Variants in NBPF26 observed in about 807,000 individuals in gnomAD.
NBPF26 encodes NBPF family member NBPF26.
NBPF26 carries 79 observed loss-of-function variants against 119.6 expected under a neutral mutation model. That is an observed-to-expected ratio of 0.66 (90% CI 0.55 to 0.80). The LOEUF (loss-of-function observed/expected upper bound fraction) is 0.80. NBPF26 is among the 30% of genes least tolerant of loss of function. The pLI is 0.00. For missense variants in NBPF26, 800 were observed against 1,198.2 expected (o/e 0.67, Z 4.91); for synonymous variants, 299 against 457.7 (o/e 0.65, Z 4.43).
rs1216415903 is a variant in NBPF26 at position 120,788,503 on chromosome 1, C to T, written c.415+3270C>T. On this transcript the variant is annotated intron_variant, in intron 3 of 29. Transcript: ENST00000620612. ...AGTGGTACCACTTCCATTTCCACCC[C>T]GTGATTCCTGGACCTGTGAATCCTG... 2.4e-4 allele frequency among the ~76,000 whole-genome samples: 10 copies of T among 41,794 alleles called. 4 individuals carry two copies. The highest frequency in any genetic ancestry group is 9.4e-4 in the Admixed American group (4 of 4,260). The allele number at this position is 41,794 out of a possible 152,430, so 27.4% of individuals were successfully genotyped here.
chr1:120,743,680 T>C (rs1381037881), intron 1 of NBPF26, among the ~76,000 whole-genome samples: 2 of 97,072 alleles, frequency 2.1e-5, no homozygotes, highest in Middle Eastern at 4.4e-3. Context: ...GCAAAGTTGC[T>C]GCATGCAGAT....
At chr1:120,790,010 C>CTTTTT (rs1174501165) in intron 3 of NBPF26, among the ~76,000 whole-genome samples, 5 of 34,960 alleles carry the variant, frequency 1.4e-4, no homozygotes, top group Non-Finnish European at 2.0e-4. Flanking sequence ...TTCTGATCAC[C>CTTTTT]TTTTTTTTTT....
At position 120,811,522 on chromosome 1, in the gene NBPF26, G is replaced by A. The variant is rs1175737342; in HGVS notation, c.1565-364G>A. On this transcript the variant is annotated intron_variant, in intron 9 of 29. Coordinates refer to ENST00000620612, the Ensembl canonical transcript of NBPF26. ...ATTGTGCCTCTGCACTGCAGCCTGC[G>A]CGACAGAGTGAGACTCCGTCTCAAA... is the stretch of plus-strand genomic sequence containing the variant. Among the ~76,000 whole-genome samples, 176 of 112,998 alleles carry A rather than the reference G, an allele frequency of 1.6e-3. 40 individuals carry two copies. In the South Asian group the frequency reaches 0.032, roughly 21 times the overall value. 74.1% of individuals were successfully genotyped at this position (112,998 alleles called of 152,430 possible). A position where few individuals can be genotyped will look rare whatever the true frequency, so the allele number is the denominator to read the frequency against.
chr1:120,781,955 C>G (rs1314620162), intron 2 of NBPF26, among the ~76,000 whole-genome samples: 2 of 104,784 alleles, frequency 1.9e-5, no homozygotes, highest in African/African-American at 1.2e-4. Flanking sequence ...GAGACAATAG[C>G]TATCAAATGC....
rs1651963055 is a variant in NBPF26 at position 120,814,592 on chromosome 1, G to A, written c.1878-237G>A. Among the ~76,000 whole-genome samples the A allele has an allele frequency of 2.4e-5, 3 of 122,716 alleles. No individual in the cohort carries two copies. The South Asian group carries it at 7.5e-4, about 31-fold the overall frequency. 80.5% of individuals were successfully genotyped at this position (122,716 alleles called of 152,430 possible). On this transcript the variant is annotated intron_variant, in intron 11 of 29. Transcript: ENST00000620612. ...AGGAAGACACCTACTTTTGTTTACA[G>A]AAGAGAAAGATGAATGGAACATCAT...
In NBPF26 at chr1:120,829,816, G is replaced by C. The variant is rs1472392092; in HGVS notation, c.2864+1G>C. 1 of 816,594 alleles carries C rather than the reference G, an allele frequency of 1.2e-6. No individual in the cohort carries two copies. The highest frequency in any genetic ancestry group is 1.9e-6 in the Non-Finnish European group (1 of 524,094). The allele number at this position is 816,594 out of a possible 1,614,324, so 50.6% of individuals were successfully genotyped here. A position where few individuals can be genotyped will look rare whatever the true frequency, so the allele number is the denominator to read the frequency against. ...AAGACCAAGACCCATCATGCCCCAG[G>C]TAACTTTGAGCAATTATGGATGCTT... is the stretch of plus-strand genomic sequence containing the variant. On this transcript the variant is annotated splice_donor_variant, in intron 19 of 29. Coordinates refer to ENST00000620612, the Ensembl canonical transcript of NBPF26. LOFTEE classifies it high-confidence loss of function.
rs1571024245 is a variant in NBPF26, at chr1:120,763,715, T to C, written c.155+6T>C. On this transcript the variant is annotated splice_donor_region_variant and intron_variant, in intron 2 of 29. Coordinates refer to ENST00000620612, the Ensembl canonical transcript of NBPF26. ...AGTGGCACAGGATACTGCAAGTAAG[T>C]TTTTCTCTTCATATATTTTCTTTTT... The C allele has an allele frequency of 1.0e-5, 13 of 1,258,346 alleles. 2 individuals are homozygous for C. In the East Asian group the frequency reaches 3.1e-4, roughly 30 times the overall value. The allele number at this position is 1,258,346 out of a possible 1,614,324, so 77.9% of individuals were successfully genotyped here.
rs1553271141 is a variant in NBPF26, at chr1:120,812,288, G to T, written c.1774+193G>T. ...AAGTATTTAGCAACTTTCCATGTTT[G>T]CAATCAGGTGGGGGTGGGACTAGAG... On this transcript the variant is annotated intron_variant, in intron 10 of 29. Coordinates refer to ENST00000620612, the Ensembl canonical transcript of NBPF26. Among the ~76,000 whole-genome samples, 85 of 93,818 alleles carry T rather than the reference G, an allele frequency of 9.1e-4. 5 individuals carry two copies. In the South Asian group the frequency reaches 0.024, roughly 27 times the overall value. 61.5% of individuals were successfully genotyped at this position (93,818 alleles called of 152,430 possible).
chr1:120,793,162 T>A, exon 4 of NBPF26: 1 of 1,404,574 alleles, frequency 7.1e-7, no homozygotes, highest in Non-Finnish European at 9.5e-7. Context: ...TTCCTTTAGG[T>A]AAGGAGTGCC....
intron 9 of NBPF26, among the ~76,000 whole-genome samples, chr1:120,811,092 A>T: frequency 9.5e-6 from 1 of 105,056 alleles, no homozygotes; most frequent in Non-Finnish European, 1.8e-5. Context: ...TACAAAAAAA[A>T]AAAAAATTAG....
chr1:120,802,786 C>A (rs1182738278), intron 4 of NBPF26, among the ~76,000 whole-genome samples: 1 of 116,140 alleles, frequency 8.6e-6, no homozygotes, highest in East Asian at 2.1e-4. Flanking sequence ...CAGTTGTGTT[C>A]ACTAGATCAG....
At chr1:120,811,864 T>A in intron 9 of NBPF26, 22 bp from the exon 10 acceptor site, 1 of 768,380 alleles carries the variant, frequency 1.3e-6, no homozygotes, top group Non-Finnish European at 2.1e-6. Flanking sequence ...ACCCATCATG[T>A]GTTTGCCTTT....
rs1433003564 is a variant in NBPF26 at position 120,810,848 on chromosome 1, G to A, written c.1564+290G>A. On this transcript the variant is annotated intron_variant, in intron 9 of 29. Transcript: ENST00000620612. ...GCATGCCTATAGTCCCAACTGCTCA[G>A]GAGACTTAGGTGGGAGGATGGGCTG... Among the ~76,000 whole-genome samples the A allele has an allele frequency of 4.6e-5, 5 of 109,810 alleles. 2 individuals are homozygous for A. Among genetic ancestry groups the A allele is most frequent in the Admixed American group, 3.4e-4 (4 of 11,648 alleles). The allele number at this position is 109,810 out of a possible 152,430, so 72.0% of individuals were successfully genotyped here. A position where few individuals can be genotyped will look rare whatever the true frequency, so the allele number is the denominator to read the frequency against.
chr1:120,825,142 G>A (rs2101540353), intron 18 of NBPF26, among the ~76,000 whole-genome samples: 1 of 121,786 alleles, frequency 8.2e-6, no homozygotes, highest in South Asian at 2.3e-4. Context: ...AAGGCTGTAT[G>A]GCAACTGCAT....
At chr1:120,767,921 G>T (rs1190785465) in intron 2 of NBPF26, among the ~76,000 whole-genome samples, 2 of 117,664 alleles carry the variant, frequency 1.7e-5, no homozygotes, top group Non-Finnish European at 3.3e-5. Flanking sequence ...CTTAACAACT[G>T]GGTTGTCTAT....
intron 27 of NBPF26, among the ~76,000 whole-genome samples, 158 bp from the exon 34 acceptor site, chr1:120,838,587 G>C: frequency 2.0e-5 from 1 of 51,154 alleles, no homozygotes; most frequent in African/African-American, 9.6e-5. Context: ...ATTTGGCCCT[G>C]TTCTGTCCCA....
rs1327407489 is a variant in NBPF26 at position 120,822,060 on chromosome 1, G to A, written c.2424-44G>A. The A allele has an allele frequency of 1.5e-4, 213 of 1,446,450 alleles. 3 individuals are homozygous for A. In the African/African-American group the frequency reaches 4.1e-3, roughly 28 times the overall value. The allele number at this position is 1,446,450 out of a possible 1,614,324, so 89.6% of individuals were successfully genotyped here. A position where few individuals can be genotyped will look rare whatever the true frequency, so the allele number is the denominator to read the frequency against. On this transcript the variant is annotated intron_variant, in intron 15 of 29. Coordinates refer to ENST00000620612, the Ensembl canonical transcript of NBPF26. Reference sequence around the variant, plus strand: ...TGGGAGGTTTTGTTGTCTAAAGTCTGTTGGTTAAATCTTCTGTCATCCCTG... The same window carrying A: ...TGGGAGGTTTTGTTGTCTAAAGTCTATTGGTTAAATCTTCTGTCATCCCTG...
In NBPF26 at chr1:120,790,308, C is replaced by T. The variant is rs1400359529; in HGVS notation, c.416-2853C>T. ...GGATTACAGGTGTGAGCCACCACAC[C>T]GGGCCGATTCTGATCATCTTTTATA... is the stretch of plus-strand genomic sequence containing the variant. On this transcript the variant is annotated intron_variant, in intron 3 of 29. Coordinates refer to ENST00000620612, the Ensembl canonical transcript of NBPF26. 8.0e-5 allele frequency among the ~76,000 whole-genome samples: 9 copies of T among 112,142 alleles called. 2 individuals are homozygous for T. The East Asian group carries it at 1.3e-3, about 17-fold the overall frequency. The allele number at this position is 112,142 out of a possible 152,430, so 73.6% of individuals were successfully genotyped here. A position where few individuals can be genotyped will look rare whatever the true frequency, so the allele number is the denominator to read the frequency against.
chr1:120,779,749 A>G (rs1250191532), intron 2 of NBPF26, among the ~76,000 whole-genome samples: 2 of 122,082 alleles, frequency 1.6e-5, no homozygotes, highest in Non-Finnish European at 3.3e-5. Flanking sequence ...AACTTTAGCC[A>G]TCTCAAGAAG....
Sources: allele counts gnomAD v4.1 joint callset (sites outside exome capture counted in the v4.1 genomes callset), GRCh38; gene constraint gnomAD v4.1.1; transcripts MANE v1.5; gene names NCBI Gene and HGNC (gene_info 2026-07-23, HGNC 2026-07-21).